Variants in SGCZ observed in about 807,000 individuals in gnomAD.
SGCZ encodes the protein sarcoglycan zeta.
In SGCZ, 40 loss-of-function variants were observed where a neutral mutation model predicts 41.3. That is an observed-to-expected ratio of 0.97 (90% CI 0.75 to 1.26). The LOEUF is 1.26. Ranked by LOEUF, SGCZ falls within the 50% of genes most tolerant of loss-of-function variation. The pLI is 0.00. For missense variants in SGCZ, 552 were observed against 369.8 expected, an observed-to-expected ratio of 1.49 and a Z score of -4.04; for synonymous variants, 206 against 137.5, an observed-to-expected ratio of 1.50 and a Z score of -3.49.
chr8:14,834,383 A>G (rs533479191), intron 1 of SGCZ, among the ~76,000 whole-genome samples: 2 of 152,198 alleles, frequency 1.3e-5, no homozygotes, highest in African/African-American at 4.8e-5. Flanking sequence ...GCTAAACACT[A>G]CAGTATTACC....
At chr8:14,155,828 G>T (rs891238430) in intron 5 of SGCZ, among the ~76,000 whole-genome samples, 3 of 152,066 alleles carry the variant, frequency 2.0e-5, no homozygotes, top group Admixed American at 6.6e-5. Flanking sequence ...ACATCACAGA[G>T]TGTATTTACC....
At chr8:14,823,572 G>A (rs1373428187) in intron 1 of SGCZ, among the ~76,000 whole-genome samples, 2 of 152,062 alleles carry the variant, frequency 1.3e-5, no homozygotes, top group African/African-American at 4.8e-5. Context: ...AAAAGACAAA[G>A]GAAACCAATG....
At chr8:14,626,474 C>T (rs2117384776) in intron 1 of SGCZ, among the ~76,000 whole-genome samples, 1 of 152,174 alleles carries the variant, frequency 6.6e-6, no homozygotes, top group Non-Finnish European at 1.5e-5. Flanking sequence ...CTTCTAAATT[C>T]ATCTGGTGAA....
intron 2 of SGCZ, among the ~76,000 whole-genome samples, chr8:14,533,966 A>G (rs13280583): frequency 0.49 from 74,582 of 151,732 alleles, 19,509 homozygotes; most frequent in Admixed American, 0.58. Context: ...GACAGCTGAG[A>G]AGTGACGTGA....
intron 1 of SGCZ, among the ~76,000 whole-genome samples, chr8:15,233,900 T>C (rs965165272): frequency 6.6e-6 from 1 of 152,150 alleles, no homozygotes; most frequent in Admixed American, 6.5e-5. Flanking sequence ...AAAAATTATA[T>C]TATACTCATG....
At chr8:14,879,833 GTTTT>G (rs1184435276) in intron 1 of SGCZ, 1 of 149,884 alleles carries the variant, frequency 6.7e-6, no homozygotes, top group Non-Finnish European at 1.5e-5. Flanking sequence ...TTGTTTTTAG[GTTTT>G]TTTTGTTTTT....
intron 1 of SGCZ, among the ~76,000 whole-genome samples, chr8:15,112,802 C>T (rs1807121167): frequency 1.3e-5 from 2 of 152,212 alleles, no homozygotes; most frequent in Non-Finnish European, 2.9e-5. Flanking sequence ...CCAGCTATCC[C>T]AGTTGATGCT....
At chr8:14,381,611 C>CA (rs1056701998) in intron 2 of SGCZ, among the ~76,000 whole-genome samples, 140 of 141,448 alleles carry the variant, frequency 9.9e-4, no homozygotes, top group South Asian at 6.1e-3. Flanking sequence ...CCCGGTTCTA[C>CA]AAAAAAAAAA....
chr8:14,084,991 A>G lies in SGCZ; in HGVS notation c.*5452T>C, dbSNP rs1478043. ...CTTCAAAAGGTCTCATTTCAGAGAA[A>G]AAAAGGTTTCCAATTGCCAAAACTT... is the stretch of plus-strand genomic sequence containing the variant. On this transcript the variant is annotated 3_prime_UTR_variant, in exon 8 of 8. Transcript: ENST00000382080. Among the ~76,000 whole-genome samples, 1 of 151,500 alleles carries G rather than the reference A, an allele frequency of 6.6e-6. No individual in the cohort carries two copies. Among genetic ancestry groups the G allele is most frequent in the Non-Finnish European group, 1.5e-5 (1 of 67,784 alleles).
chr8:15,097,884 G>T (rs796614561), intron 1 of SGCZ, among the ~76,000 whole-genome samples: 372 of 15,622 alleles, frequency 0.024, 17 homozygotes, highest in Admixed American at 0.072. Context: ...ATATATATAC[G>T]TGTGTATATA....
chr8:14,925,557 T>C (rs529105903), intron 1 of SGCZ, among the ~76,000 whole-genome samples: 1 of 152,330 alleles, frequency 6.6e-6, no homozygotes, highest in African/African-American at 2.4e-5. Flanking sequence ...GCAGAAATTC[T>C]GGAGACCTAC....
intron 1 of SGCZ, among the ~76,000 whole-genome samples, chr8:14,995,059 A>G (rs971016605): frequency 4.6e-5 from 7 of 152,262 alleles, no homozygotes; most frequent in Admixed American, 4.6e-4. Flanking sequence ...CATCACTAGG[A>G]CATACTGTTT....
At position 15,011,563 on chromosome 8, in the gene SGCZ, T is replaced by C. The variant is rs139524029; in HGVS notation, c.39+226022A>G. On this transcript the variant is annotated intron_variant, in intron 1 of 7. Coordinates refer to ENST00000382080, the MANE Select transcript of SGCZ (RefSeq NM_139167.4). ...CTATTGAAAACTGCAGATTATAAGA[T>C]AGTTTTCACTGTCACAGCTGAAATT... is the stretch of plus-strand genomic sequence containing the variant. Among the ~76,000 whole-genome samples, 46 of 152,312 alleles carry C rather than the reference T, an allele frequency of 3.0e-4. 1 individual carries two copies. The highest frequency in any genetic ancestry group is 1.1e-3 in the African/African-American group (46 of 41,572).
intron 2 of SGCZ, among the ~76,000 whole-genome samples, chr8:14,344,807 A>T (rs1183366616): frequency 1.3e-5 from 2 of 151,998 alleles, no homozygotes; most frequent in Admixed American, 6.6e-5. Flanking sequence ...TGATATAGCA[A>T]CATAAACCCA....
rs928309749 is a variant in SGCZ at position 14,401,517 on chromosome 8, T to A, written c.235-77313A>T. On this transcript the variant is annotated intron_variant, in intron 2 of 7. Coordinates refer to ENST00000382080, the MANE Select transcript of SGCZ (RefSeq NM_139167.4). The stretch of plus-strand genomic sequence containing the variant: ...GTGATCTCATTGTTCAGTTCCCACC[T>A]GTGAGTGAGAATATGCGGTGTTTGG... 8.9e-5 allele frequency among the ~76,000 whole-genome samples: 13 copies of A among 145,510 alleles called. 1 individual carries two copies. The highest frequency in any genetic ancestry group is 3.4e-4 in the African/African-American group (13 of 38,602).
At chr8:15,111,120 G>C (rs1398744841) in intron 1 of SGCZ, among the ~76,000 whole-genome samples, 1 of 152,068 alleles carries the variant, frequency 6.6e-6, no homozygotes, top group Non-Finnish European at 1.5e-5. Context: ...GCAAACACCA[G>C]GGAAGCGGGG....
chr8:14,854,348 TAC>T lies in SGCZ; in HGVS notation c.40-299424_40-299423del, dbSNP rs369613975. Among the ~76,000 whole-genome samples the T allele has an allele frequency of 4.1e-3, 621 of 151,980 alleles. 4 individuals are homozygous for T. The highest frequency in any genetic ancestry group is 0.018 in the South Asian group (87 of 4,818). ...AATTTGTATTCATTGAATAAGATAA[TAC>T]ATAGACATATCAAAAATATATAATT... On this transcript the variant is annotated intron_variant, in intron 1 of 7. Transcript: ENST00000382080.
At chr8:15,027,448 A>G (rs961608508) in intron 1 of SGCZ, among the ~76,000 whole-genome samples, 6 of 152,114 alleles carry the variant, frequency 3.9e-5, no homozygotes, top group Non-Finnish European at 7.4e-5. Context: ...TGACACTACT[A>G]TGAGAAGATT....
intron 3 of SGCZ, among the ~76,000 whole-genome samples, chr8:14,260,628 C>T (rs867858377): frequency 2.4e-4 from 36 of 151,062 alleles, no homozygotes; most frequent in South Asian, 8.4e-4. Context: ...AATCGTGCTG[C>T]TATAAAGACA....
Sources: allele counts gnomAD v4.1 joint callset (sites outside exome capture counted in the v4.1 genomes callset), GRCh38; gene constraint gnomAD v4.1.1; transcripts MANE v1.5; gene names NCBI Gene and HGNC (gene_info 2026-07-23, HGNC 2026-07-21).